The following SYNPO2 variants were observed in gnomAD, a reference collection of about 807,000 sequenced individuals.
SYNPO2 encodes synaptopodin-2.
Under a neutral mutation model 85.0 loss-of-function variants are expected in SYNPO2, and 56 were observed. That is an observed-to-expected ratio of 0.66 (90% confidence interval 0.53 to 0.82). SYNPO2 has a LOEUF of 0.82. Among genes scored for constraint, SYNPO2 ranks in the 40% least tolerant of loss-of-function variants. The pLI is 0.00. For synonymous variants in SYNPO2, 602 were observed against 591.1 expected, an observed-to-expected ratio of 1.02 and a Z score of -0.27; for missense variants, 1,575 against 1,534.2, an observed-to-expected ratio of 1.03 and a Z score of -0.44.
At chr4:118,961,107 C>CCG (rs1553941462) in intron 1 of SYNPO2, among the ~76,000 whole-genome samples, 3 of 119,470 alleles carry the variant, frequency 2.5e-5, no homozygotes, top group Admixed American at 9.2e-5. Flanking sequence ...CCGCCCCCCC[C>CCG]CCACCCCTCC....
At chr4:119,050,543 G>T (rs1739003675) in intron 4 of SYNPO2, among the ~76,000 whole-genome samples, 2 of 152,086 alleles carry the variant, frequency 1.3e-5, no homozygotes, top group South Asian at 2.1e-4. Context: ...ACTTCACGGG[G>T]TTGTGACGAT....
chr4:119,033,964 A>G (rs1397503885), intron 4 of SYNPO2: 1 of 985,280 alleles, frequency 1.0e-6, no homozygotes, highest in African/African-American at 1.7e-5. Context: ...TCTCTGGAAA[A>G]TCTTTCATTG....
At chr4:118,987,294 C>A (rs979146043) in intron 1 of SYNPO2, among the ~76,000 whole-genome samples, 11 of 152,142 alleles carry the variant, frequency 7.2e-5, no homozygotes, top group African/African-American at 2.4e-4. Flanking sequence ...AAATTTGATG[C>A]TTTTCATTCT....
intron 1 of SYNPO2, among the ~76,000 whole-genome samples, chr4:118,958,523 A>G (rs545215237): frequency 2.8e-4 from 42 of 152,106 alleles, no homozygotes; most frequent in African/African-American, 9.6e-4. Flanking sequence ...ACCCGTTGGG[A>G]TCTTGTGGTG....
chr4:118,941,919 G>A (rs1488044937), intron 1 of SYNPO2, among the ~76,000 whole-genome samples: 144 of 152,288 alleles, frequency 9.5e-4, no homozygotes, highest in Non-Finnish European at 4.4e-4. Context: ...TTTAGGGTTA[G>A]CCAGTTTTAA....
At chr4:118,927,735 G>GATAGATGATAGATAGATAT (rs1560874087) in intron 1 of SYNPO2, among the ~76,000 whole-genome samples, 8 of 55,028 alleles carry the variant, frequency 1.5e-4, no homozygotes, top group Non-Finnish European at 1.2e-4. Context: ...TAGATAGATA[G>GATAGATGATAGATAGATAT]ATAGATAGAT....
rs1048250822 is a variant in SYNPO2, at chr4:119,059,895, T to C, written c.*1961T>C. On this transcript the variant is annotated 3_prime_UTR_variant, in exon 5 of 5. Coordinates refer to ENST00000307142, the MANE Select transcript of SYNPO2 (RefSeq NM_133477.3). Reference sequence around the variant, plus strand: ...TAAATTATCAAGGTGTAAGATGTAATGATCCCAAGAGTTTTTATAGAATCC... The same window carrying C: ...TAAATTATCAAGGTGTAAGATGTAACGATCCCAAGAGTTTTTATAGAATCC... 6.6e-6 allele frequency: 1 copy of C among 152,200 alleles called. No homozygotes were observed. Among genetic ancestry groups the C allele is most frequent in the Non-Finnish European group, 1.5e-5 (1 of 68,022 alleles). 9.4% of individuals were successfully genotyped at this position (152,200 alleles called of 1,614,324 possible).
At chr4:118,891,349 G>C (rs926860039) in intron 1 of SYNPO2, among the ~76,000 whole-genome samples, 4 of 152,122 alleles carry the variant, frequency 2.6e-5, no homozygotes, top group African/African-American at 9.7e-5. Flanking sequence ...GTGTGCAAGA[G>C]AGAGAGAGAG....
In SYNPO2 at chr4:119,026,975, C is replaced by A. The variant is rs1303148129; in HGVS notation, c.606C>A (p.Ser202=). 1 of 1,614,002 alleles carries A rather than the reference C, an allele frequency of 6.2e-7. No individual in the cohort carries two copies. Among genetic ancestry groups the A allele is most frequent in the Non-Finnish European group, 8.5e-7 (1 of 1,180,034 alleles). ...QPGPVVELQL[S]LSQERHKGAS... The stretch of plus-strand genomic sequence containing the variant: ...GGCCTGTGGTTGAGCTGCAACTGTC[C>A]CTTTCACAGGAGAGACATAAGGGCG... Residue 202 remains serine (S), a synonymous_variant, in exon 3 of 5, where the codon TCC becomes TCA. Coordinates refer to ENST00000307142, the MANE Select transcript of SYNPO2 (RefSeq NM_133477.3).
In SYNPO2 at chr4:118,888,938, G is replaced by A. The variant is rs747630314; in HGVS notation, c.-99G>A. On this transcript the variant is annotated 5_prime_UTR_variant, in exon 1 of 5. Transcript: ENST00000307142. ...GACGCTCTGCATTACCCAGTCTTGC[G>A]TCCTCGGCAGGCGCCCGAAGCTGAG... The A allele has an allele frequency of 3.2e-6, 4 of 1,239,998 alleles. No individual in the cohort carries two copies. The highest frequency in any genetic ancestry group is 4.7e-6 in the Non-Finnish European group (4 of 847,864). The allele number at this position is 1,239,998 out of a possible 1,614,324, so 76.8% of individuals were successfully genotyped here.
chr4:119,030,311 C>T lies in SYNPO2; in HGVS notation c.1536C>T (p.Asp512=), dbSNP rs1738169173. The T allele has an allele frequency of 3.7e-6, 6 of 1,614,034 alleles. No individual in the cohort carries two copies. Among genetic ancestry groups the T allele is most frequent in the Non-Finnish European group, 4.2e-6 (5 of 1,180,022 alleles). Reference sequence around the variant, plus strand: ...AGATCACAGCCCAAAAAGAAGAGGACAAGGTAGGTGGAACGCCAAGCAGAG... The same window carrying T: ...AGATCACAGCCCAAAAAGAAGAGGATAAGGTAGGTGGAACGCCAAGCAGAG... The part of the protein sequence containing the change: ...MDQITAQKEE[D]KVGGTPSREQ... The change falls in exon 4 of 5, where the codon GAC becomes GAT. Residue 512 remains aspartate (D), a synonymous_variant. Transcript: ENST00000307142.
chr4:118,859,888 G>T (rs867745768), intron 1 of SYNPO2, among the ~76,000 whole-genome samples: 1 of 152,286 alleles, frequency 6.6e-6, no homozygotes, highest in South Asian at 2.1e-4. Flanking sequence ...TGAGAGTGCA[G>T]ATCTCTCTTT....
At position 119,058,566 on chromosome 4, in the gene SYNPO2, C is replaced by G. The variant is rs1739298331; in HGVS notation, c.*632C>G. 6.6e-6 allele frequency: 1 copy of G among 150,532 alleles called. No homozygotes were observed. The highest frequency in any genetic ancestry group is 1.5e-5 in the Non-Finnish European group (1 of 67,952). 9.3% of individuals were successfully genotyped at this position (150,532 alleles called of 1,614,324 possible). A position where few individuals can be genotyped will look rare whatever the true frequency, so the allele number is the denominator to read the frequency against. Reference sequence around the variant, plus strand: ...CTTGGCTCACTGCAACCTGCGCCTCCTGGGTTCAAGCAATTCTCCTGCCTC... The same window carrying G: ...CTTGGCTCACTGCAACCTGCGCCTCGTGGGTTCAAGCAATTCTCCTGCCTC... On this transcript the variant is annotated 3_prime_UTR_variant, in exon 5 of 5. Coordinates refer to ENST00000307142, the MANE Select transcript of SYNPO2 (RefSeq NM_133477.3).
At chr4:118,850,716 T>G (rs1321421710) in exon 1 of SYNPO2, 4 of 398,486 alleles carry the variant, frequency 1.0e-5, no homozygotes, top group African/African-American at 8.2e-5. Context: ...ATTCAGAACA[T>G]GTTGCTCTGG....
At chr4:118,961,692 A>G (rs181346279) in intron 1 of SYNPO2, among the ~76,000 whole-genome samples, 17 of 152,180 alleles carry the variant, frequency 1.1e-4, no homozygotes, top group African/African-American at 3.6e-4. Context: ...TTTCACATTC[A>G]CTGCTGCCTG....
At chr4:118,927,758 GATAT>G (rs377383706) in intron 1 of SYNPO2, among the ~76,000 whole-genome samples, 2 of 131,578 alleles carry the variant, frequency 1.5e-5, no homozygotes, top group Non-Finnish European at 3.3e-5. Context: ...ATGATAGATA[GATAT>G]ATAGATAGAT....
intron 1 of SYNPO2, among the ~76,000 whole-genome samples, chr4:118,931,950 G>C (rs190040759): frequency 6.6e-6 from 1 of 152,132 alleles, no homozygotes; most frequent in Non-Finnish European, 1.5e-5. Flanking sequence ...TCTGAATACC[G>C]TCACTGCTTC....
At chr4:118,856,023 C>T (rs768900203) in intron 1 of SYNPO2, among the ~76,000 whole-genome samples, 6 of 152,098 alleles carry the variant, frequency 3.9e-5, no homozygotes, top group Admixed American at 6.6e-5. Context: ...CTTTGTTTAT[C>T]TTCTGGGATA....
chr4:118,859,030 T>C (rs1295382433), intron 1 of SYNPO2, among the ~76,000 whole-genome samples: 1 of 152,206 alleles, frequency 6.6e-6, no homozygotes, highest in African/African-American at 2.4e-5. Flanking sequence ...GGCCAAGTCT[T>C]AAAGTTTTGG....
Sources: gnomAD v4.1 joint callset for allele counts (sites outside exome capture counted in the v4.1 genomes callset) on GRCh38, gnomAD v4.1.1 for gene constraint, MANE v1.5 for transcripts, NCBI Gene and HGNC (gene_info 2026-07-23, HGNC 2026-07-21) for gene names.